Variants in RBL1 observed in about 807,000 individuals in gnomAD.
The protein encoded by RBL1 is retinoblastoma-like protein 1.
Under a neutral mutation model 123.0 loss-of-function variants are expected in RBL1, and 82 were observed. The observed-to-expected ratio is 0.67, with a 90% CI of 0.56 to 0.80. The LOEUF is 0.80. Among genes scored for constraint, RBL1 ranks in the 30% least tolerant of loss-of-function variants. The probability of loss-of-function intolerance (pLI) is 0.00; values close to 1 mark genes in which losing one functional copy is unlikely to be tolerated. For synonymous variants in RBL1, 405 were observed against 441.3 expected (o/e 0.92, Z 1.03); for missense variants, 1,171 against 1,299.6 (o/e 0.90, Z 1.52).
chr20:37,000,312 G>A (rs1426954510), intron 21 of RBL1, among the ~76,000 whole-genome samples: 1 of 150,468 alleles, frequency 6.6e-6, no homozygotes, highest in African/African-American at 2.5e-5. Flanking sequence ...CCCCGTCTGG[G>A]AGGGAGGTGG....
intron 12 of RBL1, among the ~76,000 whole-genome samples, 176 bp downstream of exon 12, chr20:37,046,877 T>A (rs577135648): frequency 1.3e-5 from 2 of 152,206 alleles, no homozygotes; most frequent in South Asian, 4.1e-4. Flanking sequence ...CCTTTCAAAG[T>A]GCTGGGATTA....
intron 18 of RBL1, among the ~76,000 whole-genome samples, chr20:37,019,555 T>A (rs1568828574): frequency 6.6e-6 from 1 of 152,176 alleles, no homozygotes; most frequent in Non-Finnish European, 1.5e-5. Flanking sequence ...ATACCTGTAC[T>A]TGGTTCTTCA....
chr20:37,001,362 A>G (rs111947841), intron 21 of RBL1, among the ~76,000 whole-genome samples: 2,820 of 150,546 alleles, frequency 0.019, 27 homozygotes, highest in Middle Eastern at 0.031. Context: ...GATGGTTGCC[A>G]TGTCTGTGTA....
At chr20:37,084,088 C>T (rs2065502134) in intron 2 of RBL1, among the ~76,000 whole-genome samples, 1 of 151,480 alleles carries the variant, frequency 6.6e-6, no homozygotes, top group South Asian at 2.1e-4. Flanking sequence ...TTTGTAGAAA[C>T]AGGGTATCAC....
chr20:37,072,769 C>G (rs2065302537), intron 2 of RBL1, among the ~76,000 whole-genome samples: 1 of 152,110 alleles, frequency 6.6e-6, no homozygotes, highest in African/African-American at 2.4e-5. Flanking sequence ...TGGCAATGTC[C>G]AGGGACAGCA....
rs1555844296 is a variant in RBL1 at position 36,998,134 on chromosome 20, A to G, written c.*625T>C. 1 of 152,158 alleles carries G rather than the reference A, an allele frequency of 6.6e-6. No individual in the cohort carries two copies. Among genetic ancestry groups the G allele is most frequent in the Non-Finnish European group, 1.5e-5 (1 of 68,020 alleles). 9.4% of individuals were successfully genotyped at this position (152,158 alleles called of 1,614,324 possible). ...TTACAGAACACAGAAGGAGACATTT[A>G]TTTTTAAAAGAGAGCTAAAAAGTTA... On this transcript the variant is annotated 3_prime_UTR_variant, in exon 22 of 22. Transcript: ENST00000373664.
intron 12 of RBL1, among the ~76,000 whole-genome samples, chr20:37,046,385 C>T (rs762005971): frequency 6.6e-6 from 1 of 151,968 alleles, no homozygotes; most frequent in Non-Finnish European, 1.5e-5. Flanking sequence ...TTTACTGATA[C>T]TCTCACCTTC....
chr20:37,090,552 T>C lies in RBL1; in HGVS notation c.157-1430A>G, dbSNP rs1416339906. ...AAATTAATATTAATCTTACGCAACATGAAGGAGACTGTCATTTTTGTAAGG... is the reference window on the plus strand; with the variant it reads ...AAATTAATATTAATCTTACGCAACACGAAGGAGACTGTCATTTTTGTAAGG... On this transcript the variant is annotated intron_variant, in intron 1 of 21. Coordinates refer to ENST00000373664, the MANE Select transcript of RBL1 (RefSeq NM_002895.5). 1.1e-4 allele frequency among the ~76,000 whole-genome samples: 17 copies of C among 152,122 alleles called. 1 individual carries two copies. Among genetic ancestry groups the C allele is most frequent in the Admixed American group, 1.0e-3 (16 of 15,260 alleles).
At chr20:37,069,529 G>GGCC (rs2065246493) in intron 2 of RBL1, among the ~76,000 whole-genome samples, 1 of 138,034 alleles carries the variant, frequency 7.2e-6, no homozygotes. Flanking sequence ...GCCCGGCTGC[G>GGCC]ACCCCGTCTG....
At chr20:37,066,506 A>G (rs915605496) in intron 6 of RBL1, among the ~76,000 whole-genome samples, 2 of 152,142 alleles carry the variant, frequency 1.3e-5, no homozygotes, top group Admixed American at 1.3e-4. Context: ...CTGACAGTAC[A>G]TTTACCCAAC....
In RBL1 at chr20:37,095,944, G is replaced by T. The variant is rs1315320338; in HGVS notation, c.-16C>A. The T allele has an allele frequency of 6.6e-7, 1 of 1,517,220 alleles. No homozygotes were observed. Among genetic ancestry groups the T allele is most frequent in the Non-Finnish European group, 8.9e-7 (1 of 1,127,160 alleles). 94.0% of individuals were successfully genotyped at this position (1,517,220 alleles called of 1,614,324 possible). On this transcript the variant is annotated 5_prime_UTR_variant, in exon 1 of 22. Transcript: ENST00000373664. ...CCTCGAACATCCCTTCAGGCCCCGC[G>T]GGCTGCGCGCCACGGCCCCCGACTT...
At chr20:37,024,994 ATT>A (rs1448408291) in intron 16 of RBL1, among the ~76,000 whole-genome samples, 1 of 152,178 alleles carries the variant, frequency 6.6e-6, no homozygotes, top group South Asian at 2.1e-4. Flanking sequence ...TCTGAAGACT[ATT>A]TCATTCAAAG....
At chr20:37,002,786 C>T (rs527549789) in intron 21 of RBL1, among the ~76,000 whole-genome samples, 7 of 151,766 alleles carry the variant, frequency 4.6e-5, no homozygotes, top group Admixed American at 6.6e-5. Flanking sequence ...GGGGTGATCT[C>T]GGCTCACTGC....
intron 19 of RBL1, among the ~76,000 whole-genome samples, chr20:37,008,415 C>A (rs991706767): frequency 6.6e-6 from 1 of 152,134 alleles, no homozygotes; most frequent in Non-Finnish European, 1.5e-5. Flanking sequence ...TGATCAGGAA[C>A]CAGTGTTCAG....
In RBL1 at chr20:37,066,826, G is replaced by C. The variant is rs201149206; in HGVS notation, c.744C>G (p.Ile248Met). The C allele has an allele frequency of 6.2e-7, 1 of 1,613,540 alleles. No individual in the cohort carries two copies. The highest frequency in any genetic ancestry group is 2.2e-5 in the East Asian group (1 of 44,856). The change falls in exon 6 of 22, where the codon ATC becomes ATG. Residue 248 changes from isoleucine to methionine, a missense_variant. Physicochemically the swap from Ile to Met is conservative, Grantham distance 10. Transcript: ENST00000373664. Reference protein sequence around the residue: ...DFTASEEPPCIIAVLCELHDG... With the variant: ...DFTASEEPPCMIAVLCELHDG... ...CATGCAGTTCACACAGTACAGCAATGATGCAGGGTGGCTCTTCAGAAGCCG... is the reference window on the plus strand; with the variant it reads ...CATGCAGTTCACACAGTACAGCAATCATGCAGGGTGGCTCTTCAGAAGCCG...
chr20:37,038,245 G>T (rs1262842552), intron 14 of RBL1, among the ~76,000 whole-genome samples: 2 of 150,398 alleles, frequency 1.3e-5, no homozygotes, highest in Non-Finnish European at 3.0e-5. Flanking sequence ...ACCTGCCTCG[G>T]CCTCCCAAAC....
rs1600619328 is a variant in RBL1 at position 37,091,159 on chromosome 20, G to C, written c.157-2037C>G. 3.3e-5 allele frequency among the ~76,000 whole-genome samples: 5 copies of C among 151,976 alleles called. No individual in the cohort carries two copies. The South Asian group carries it at 1.0e-3, about 32-fold the overall frequency. On this transcript the variant is annotated intron_variant, in intron 1 of 21. Coordinates refer to ENST00000373664, the MANE Select transcript of RBL1 (RefSeq NM_002895.5). ...ATCACCTGAGGTCAGGAGTTTGAGA[G>C]CAGCCTGGCCAATGTGGCGAAACCC...
At chr20:37,070,859 CTTAA>C (rs1300576218) in intron 2 of RBL1, among the ~76,000 whole-genome samples, 2 of 151,836 alleles carry the variant, frequency 1.3e-5, no homozygotes, top group Non-Finnish European at 2.9e-5. Flanking sequence ...TCAAAGCTCA[CTTAA>C]TTAAAGGTCT....
Position 37,089,965 on chromosome 20 carries a change from T to C in RBL1, c.157-843A>G, listed in dbSNP as rs7263424. ...TACTTGGGAGGCTGAGGCAGGAGAA[T>C]AGCTTAAACTCGGGAGGCAGAGGTT... On this transcript the variant is annotated intron_variant, in intron 1 of 21. Transcript: ENST00000373664. Among the ~76,000 whole-genome samples, 418 of 152,246 alleles carry C rather than the reference T, an allele frequency of 2.7e-3. 2 individuals carry two copies. Among genetic ancestry groups the C allele is most frequent in the African/African-American group, 9.4e-3 (392 of 41,540 alleles).
Sources: allele counts gnomAD v4.1 joint callset (sites outside exome capture counted in the v4.1 genomes callset), GRCh38; gene constraint gnomAD v4.1.1; transcripts MANE v1.5; gene names NCBI Gene and HGNC (gene_info 2026-07-23, HGNC 2026-07-21).